OSBPL10: variants seen among roughly 807,000 people sequenced by gnomAD.
OSBPL10 encodes oxysterol binding protein like 10, also known as oxysterol-binding protein-related protein 10.
A neutral mutation model predicts 81.7 loss-of-function variants in OSBPL10; 49 were observed. The ratio of observed to expected loss-of-function variants is 0.60; its 90% CI spans 0.48 to 0.76. OSBPL10 has a LOEUF of 0.76. Ranked by LOEUF, OSBPL10 falls within the 30% of genes least tolerant of loss-of-function variation. The probability of loss-of-function intolerance (pLI) is 0.00; values close to 1 mark genes in which losing one functional copy is unlikely to be tolerated. For synonymous variants in OSBPL10, 419 were observed against 383.6 expected (o/e 1.09, Z -1.08); for missense variants, 923 against 987.8 (o/e 0.93, Z 0.88).
chr3:31,837,324 TATATATATA>T (rs1700379857), intron 3 of OSBPL10, among the ~76,000 whole-genome samples: 1 of 3,344 alleles, frequency 3.0e-4, no homozygotes, highest in African/African-American at 1.9e-3. Context: ...CCCCAAATTA[TATATATATA>T]TATATATATA....
chr3:31,671,409 G>A (rs1700320409), intron 8 of OSBPL10, among the ~76,000 whole-genome samples: 1 of 152,158 alleles, frequency 6.6e-6, no homozygotes, highest in Admixed American at 6.5e-5. Context: ...GGGGTAGGAA[G>A]GAGCCTGGTA....
intron 4 of OSBPL10, among the ~76,000 whole-genome samples, chr3:31,790,389 C>A (rs1305494057): frequency 6.6e-6 from 1 of 152,170 alleles, no homozygotes. Context: ...GTGGCAGAAC[C>A]CATGAACCCC....
intron 2 of OSBPL10, chr3:31,986,455 T>C (rs1404990309): frequency 6.6e-6 from 1 of 152,258 alleles, no homozygotes; most frequent in African/African-American, 2.4e-5. Context: ...CCATTAAGAT[T>C]ACCCTGAGAG....
chr3:31,692,552 C>A (rs1361406016), intron 7 of OSBPL10, among the ~76,000 whole-genome samples: 1 of 151,844 alleles, frequency 6.6e-6, no homozygotes, highest in African/African-American at 2.4e-5. Context: ...TCTGACACTT[C>A]TGTAAACAAT....
chr3:31,838,933 T>C (rs1289126708), intron 3 of OSBPL10, among the ~76,000 whole-genome samples: 1 of 152,198 alleles, frequency 6.6e-6, no homozygotes, highest in Admixed American at 6.5e-5. Flanking sequence ...ACACCCCGCA[T>C]AGCATTTAAT....
At chr3:32,025,584 G>T (rs1699395530) in intron 2 of OSBPL10, among the ~76,000 whole-genome samples, 3 of 152,016 alleles carry the variant, frequency 2.0e-5, no homozygotes, top group Admixed American at 1.3e-4. Context: ...ACTAGTATTT[G>T]TTATTTAAAT....
intron 6 of OSBPL10, among the ~76,000 whole-genome samples, chr3:31,710,390 C>T (rs1267868710): frequency 6.6e-6 from 1 of 152,146 alleles, no homozygotes; most frequent in Non-Finnish European, 1.5e-5. Context: ...CCTGCATCTT[C>T]CTACTTGTGC....
chr3:31,813,763 C>T (rs1403247108), intron 4 of OSBPL10, among the ~76,000 whole-genome samples: 1 of 152,134 alleles, frequency 6.6e-6, no homozygotes, highest in South Asian at 2.1e-4. Context: ...CTGCCATGAG[C>T]CTGAGCATGT....
At chr3:31,783,852 A>G (rs1698789200) in intron 4 of OSBPL10, among the ~76,000 whole-genome samples, 1 of 123,782 alleles carries the variant, frequency 8.1e-6, no homozygotes, top group Non-Finnish European at 1.7e-5. Context: ...ATATATATAT[A>G]TATATATGAA....
At chr3:31,822,913 TAAA>T (rs71097447) in intron 4 of OSBPL10, among the ~76,000 whole-genome samples, 47 of 89,076 alleles carry the variant, frequency 5.3e-4, no homozygotes, top group Admixed American at 9.0e-4. Context: ...CCCCCAACTC[TAAA>T]AAAAAAAAAA....
chr3:31,876,660 C>T (rs1701480630), intron 2 of OSBPL10, 148 bp from the exon 3 acceptor site: 6 of 642,488 alleles, frequency 9.3e-6, no homozygotes, highest in South Asian at 1.8e-5. Context: ...TCACAACGTT[C>T]TCAAGCGGCC....
At chr3:31,710,418 C>G (rs73066088) in intron 6 of OSBPL10, among the ~76,000 whole-genome samples, 12 of 152,068 alleles carry the variant, frequency 7.9e-5, no homozygotes, top group East Asian at 1.9e-4. Flanking sequence ...CTTCTCCCCC[C>G]ACAGCTTCCC....
chr3:31,764,753 A>G (rs575589344), intron 4 of OSBPL10, among the ~76,000 whole-genome samples: 2 of 152,282 alleles, frequency 1.3e-5, no homozygotes, highest in South Asian at 2.1e-4. Context: ...TGCACATTAT[A>G]TATCTCTGGA....
At chr3:31,848,578 T>C (rs1700690637) in intron 3 of OSBPL10, among the ~76,000 whole-genome samples, 2 of 152,200 alleles carry the variant, frequency 1.3e-5, no homozygotes, top group African/African-American at 2.4e-5. Flanking sequence ...AGGCCTGAGC[T>C]GCTGCTTCAA....
chr3:32,011,091 T>C (rs1398536141), intron 2 of OSBPL10, among the ~76,000 whole-genome samples: 1 of 151,772 alleles, frequency 6.6e-6, no homozygotes, highest in East Asian at 1.9e-4. Flanking sequence ...TTGAAGAGAG[T>C]AGTGGTTCTC....
At chr3:31,976,912 C>G (rs1698708548) in intron 1 of OSBPL10, among the ~76,000 whole-genome samples, 1 of 152,070 alleles carries the variant, frequency 6.6e-6, no homozygotes, top group Non-Finnish European at 1.5e-5. Flanking sequence ...CAATGGCAAC[C>G]CTTAGATATT....
At chr3:31,667,911 A>G (rs1283197371) in intron 10 of OSBPL10, among the ~76,000 whole-genome samples, 1 of 152,260 alleles carries the variant, frequency 6.6e-6, no homozygotes, top group Non-Finnish European at 1.5e-5. Flanking sequence ...GCCTGCATAA[A>G]CATCACATTA....
At chr3:31,983,668 C>G (rs1698894052), upstream of OSBPL10, among the ~76,000 whole-genome samples, 1 of 152,294 alleles carries the variant, frequency 6.6e-6, no homozygotes, top group African/African-American at 2.4e-5. Context: ...GCTCTCTTCA[C>G]CCGGTTTGTG....
intron 1 of OSBPL10, among the ~76,000 whole-genome samples, chr3:31,908,032 C>G (rs1199701803): frequency 1.3e-5 from 2 of 152,088 alleles, no homozygotes; most frequent in Non-Finnish European, 2.9e-5. Flanking sequence ...TGACTCTGAG[C>G]AAAGACTGGA....
Sources: allele counts gnomAD v4.1 joint callset (sites outside exome capture counted in the v4.1 genomes callset), GRCh38; gene constraint gnomAD v4.1.1; transcripts MANE v1.5; gene names NCBI Gene and HGNC (gene_info 2026-07-23, HGNC 2026-07-21).